TRIB2: variants seen among roughly 807,000 people sequenced by gnomAD.
TRIB2 encodes tribbles homolog 2.
TRIB2 carries 2 observed loss-of-function variants against 26.8 expected under a neutral mutation model. The ratio of observed to expected loss-of-function variants is 0.07; its 90% CI spans 0.03 to 0.24. The LOEUF (loss-of-function observed/expected upper bound fraction) is 0.24. Among genes scored for constraint, TRIB2 ranks in the 10% least tolerant of loss-of-function variants. TRIB2 has a pLI of 1.00. For missense variants in TRIB2, 306 were observed against 449.0 expected (o/e 0.68, Z 2.88); for synonymous variants, 189 against 187.3 (o/e 1.01, Z -0.08).
rs150404135 is a variant in TRIB2, at chr2:12,740,371, G to A, written c.609G>A (p.Arg203=). 3.1e-6 allele frequency: 5 copies of A among 1,614,150 alleles called. No homozygotes were observed. The highest frequency in any genetic ancestry group is 2.2e-5 in the South Asian group (2 of 91,086). Reference sequence around the variant, plus strand: ...GCCTGGAAGACGCCTACATTCTGCGGGGAGATGATGATTCCCTCTCCGACA... The same window carrying A: ...GCCTGGAAGACGCCTACATTCTGCGAGGAGATGATGATTCCCTCTCCGACA... ...LESLEDAYIL[R]GDDDSLSDKH... Residue 203 remains arginine (R), a synonymous_variant, in exon 3 of 3, where the codon CGG becomes CGA. Coordinates refer to ENST00000155926, the MANE Select transcript of TRIB2 (RefSeq NM_021643.4). The surrounding 1 kb of genome is among the most constrained non-coding windows in gnomAD (Gnocchi z 5.8).
At chr2:12,739,980 G>A (rs372258537) in intron 2 of TRIB2, among the ~76,000 whole-genome samples, 1 of 152,194 alleles carries the variant, frequency 6.6e-6, no homozygotes, top group Non-Finnish European at 1.5e-5. Context: ...ATGCAAATGT[G>A]ACTTTGAGAA....
At chr2:12,731,502 G>A (rs549980966) in intron 2 of TRIB2, among the ~76,000 whole-genome samples, 2 of 152,318 alleles carry the variant, frequency 1.3e-5, no homozygotes, top group East Asian at 3.9e-4. Context: ...AGGAAGAAGT[G>A]GCTCAAACTG....
At position 12,718,619 on chromosome 2, in the gene TRIB2, C is replaced by T; in HGVS notation, c.270+42C>T. 6.3e-7 allele frequency: 1 copy of T among 1,594,590 alleles called. No individual in the cohort carries two copies. Among genetic ancestry groups the T allele is most frequent in the South Asian group, 1.1e-5 (1 of 90,028 alleles). On this transcript the variant is annotated intron_variant, in intron 1 of 2. Coordinates refer to ENST00000155926, the MANE Select transcript of TRIB2 (RefSeq NM_021643.4). This position sits in a 1 kb window ranked among gnomAD's most constrained non-coding sequence, Gnocchi z 4.0. ...TTGCTTTTTGTCTTTGGAAGGGGCC[C>T]GAGGGAGCGGGAGGGCGCCAGGCCC...
At chr2:12,737,846 A>G (rs1018375424) in intron 2 of TRIB2, among the ~76,000 whole-genome samples, 5 of 152,210 alleles carry the variant, frequency 3.3e-5, no homozygotes, top group African/African-American at 1.2e-4. Flanking sequence ...TGTCTATTTT[A>G]CTACATAATT....
chr2:12,730,965 T>C lies in TRIB2; in HGVS notation c.563+7413T>C, dbSNP rs115919286. 4.5e-3 allele frequency among the ~76,000 whole-genome samples: 685 copies of C among 152,322 alleles called. 6 individuals are homozygous for C. The highest frequency in any genetic ancestry group is 0.016 in the African/African-American group (649 of 41,564). On this transcript the variant is annotated intron_variant, in intron 2 of 2. Coordinates refer to ENST00000155926, the MANE Select transcript of TRIB2 (RefSeq NM_021643.4). ...TAGATGCCGTGAACTCCAGATAGAATGTTGGAGTTGGGGAGTCTTAGATAT... is the reference window on the plus strand; with the variant it reads ...TAGATGCCGTGAACTCCAGATAGAACGTTGGAGTTGGGGAGTCTTAGATAT...
At chr2:12,725,306 TGAGTA>T (rs1428502872) in intron 2 of TRIB2, among the ~76,000 whole-genome samples, 1 of 152,190 alleles carries the variant, frequency 6.6e-6, no homozygotes, top group East Asian at 1.9e-4. Flanking sequence ...TTTGTGCAAA[TGAGTA>T]GAGCAGGGTG....
At chr2:12,729,708 TA>T (rs1661414887) in intron 2 of TRIB2, among the ~76,000 whole-genome samples, 1 of 152,154 alleles carries the variant, frequency 6.6e-6, no homozygotes, top group South Asian at 2.1e-4. Flanking sequence ...GACTAAATAG[TA>T]GGTATTCTTC....
rs369989056 is a variant in TRIB2 at position 12,717,708 on chromosome 2, AC to A, written c.-592del. The A allele has an allele frequency of 9.9e-4, 364 of 369,298 alleles. 1 individual carries two copies. The highest frequency in any genetic ancestry group is 2.0e-3 in the Middle Eastern group (3 of 1,470). 22.9% of individuals were successfully genotyped at this position (369,298 alleles called of 1,614,324 possible). The stretch of plus-strand genomic sequence containing the variant: ...AACGTAGGTAACTGCCCTCTCCCGC[AC>A]CCCCCCCTTACACGCCCCCCACCCT... On this transcript the variant is annotated 5_prime_UTR_variant, in exon 1 of 3. Transcript: ENST00000155926. The surrounding 1 kb of genome is among the most constrained non-coding windows in gnomAD (Gnocchi z 4.8).
intron 2 of TRIB2, among the ~76,000 whole-genome samples, chr2:12,733,376 T>G (rs1291046349): frequency 2.0e-5 from 3 of 152,224 alleles, no homozygotes; most frequent in Non-Finnish European, 2.9e-5. Context: ...AAAGTTTTTC[T>G]TTCTTTGGCC....
chr2:12,729,656 T>G (rs1396613183), intron 2 of TRIB2, among the ~76,000 whole-genome samples: 1 of 152,196 alleles, frequency 6.6e-6, no homozygotes, highest in East Asian at 1.9e-4. Flanking sequence ...TAATCACGGT[T>G]AGAAAGGGGA....
In TRIB2 at chr2:12,718,467, T is replaced by G. The variant is rs1259016115; in HGVS notation, c.160T>G (p.Leu54Val). ...CCCGAGCCCGCCCGAGACTCCGAAC[T>G]TGTCGCATTGCGTTTCTTGTATCGG... The part of the protein sequence containing the change: ...GSPSPPETPN[L>V]SHCVSCIGKY... Residue 54 changes from leucine (L) to valine (V), a missense_variant, in exon 1 of 3, where the codon TTG (leucine) becomes GTG (valine). By Grantham distance (32) the Leu-to-Val change is conservative. This residue lies in a region of TRIB2 where 99 missense variants were observed against 106.5 expected (regional missense o/e 0.93). Coordinates refer to ENST00000155926, the MANE Select transcript of TRIB2 (RefSeq NM_021643.4). The surrounding 1 kb of genome is among the most constrained non-coding windows in gnomAD (Gnocchi z 4.0). 10 of 1,614,212 alleles carry G rather than the reference T, an allele frequency of 6.2e-6. No homozygotes were observed. In the South Asian group the frequency reaches 8.8e-5, roughly 14 times the overall value.
intron 2 of TRIB2, among the ~76,000 whole-genome samples, chr2:12,726,914 A>T (rs989855519): frequency 6.6e-6 from 1 of 151,874 alleles, no homozygotes; most frequent in African/African-American, 2.4e-5. Context: ...GCCATCTGGG[A>T]CTCTGCATCC....
chr2:12,728,170 A>C lies in TRIB2; in HGVS notation c.563+4618A>C, dbSNP rs7566554. Among the ~76,000 whole-genome samples the C allele has an allele frequency of 9.6e-3, 1,359 of 141,484 alleles. 27 individuals are homozygous for C. Among genetic ancestry groups the C allele is most frequent in the African/African-American group, 0.036 (1,278 of 35,262 alleles). 92.8% of individuals were successfully genotyped at this position (141,484 alleles called of 152,430 possible). On this transcript the variant is annotated intron_variant, in intron 2 of 2. Transcript: ENST00000155926. ...TGTGCCCAGACTGCCTCATCTGCAA[A>C]GTGGAAATAACAACATGGCTTCCAT...
At chr2:12,737,726 T>C (rs1661613594) in intron 2 of TRIB2, among the ~76,000 whole-genome samples, 1 of 152,222 alleles carries the variant, frequency 6.6e-6, no homozygotes, top group South Asian at 2.1e-4. Context: ...ATGATAAAAC[T>C]GGCAGAGACT....
In TRIB2 at chr2:12,741,365, C is replaced by T. The variant is rs1661709007; in HGVS notation, c.*571C>T. The T allele has an allele frequency of 6.5e-6, 1 of 153,674 alleles. No individual in the cohort carries two copies. Among genetic ancestry groups the T allele is most frequent in the African/African-American group, 2.4e-5 (1 of 41,466 alleles). The allele number at this position is 153,674 out of a possible 1,614,324, so 9.5% of individuals were successfully genotyped here. On this transcript the variant is annotated 3_prime_UTR_variant, in exon 3 of 3. Transcript: ENST00000155926. Reference sequence around the variant, plus strand: ...CCAGTTTGTGTCTCTTAATCGCTCACTTCAACTCATTTCTTCTAAATAAAC... The same window carrying T: ...CCAGTTTGTGTCTCTTAATCGCTCATTTCAACTCATTTCTTCTAAATAAAC...
intron 2 of TRIB2, among the ~76,000 whole-genome samples, chr2:12,728,697 G>T (rs1661383759): frequency 6.6e-6 from 1 of 152,188 alleles, no homozygotes; most frequent in African/African-American, 2.4e-5. Flanking sequence ...CTTCAGCAGG[G>T]TGGAAGCTGC....
chr2:12,727,500 C>T (rs567843087), intron 2 of TRIB2, among the ~76,000 whole-genome samples: 2 of 152,302 alleles, frequency 1.3e-5, no homozygotes, highest in South Asian at 2.1e-4. Flanking sequence ...AGGTCAAGTG[C>T]ACCTGGTCTG....
In TRIB2 at chr2:12,717,227, A is replaced by G. The variant is rs2103246749; in HGVS notation, c.-1081A>G. 1 of 396,942 alleles carries G rather than the reference A, an allele frequency of 2.5e-6. No individual in the cohort carries two copies. Among genetic ancestry groups the G allele is most frequent in the African/African-American group, 2.1e-5 (1 of 48,688 alleles). The allele number at this position is 396,942 out of a possible 1,614,324, so 24.6% of individuals were successfully genotyped here. A position where few individuals can be genotyped will look rare whatever the true frequency, so the allele number is the denominator to read the frequency against. The stretch of plus-strand genomic sequence containing the variant: ...CAATTTGGTCTCGGGGTAGGGGGAG[A>G]CGGGGTGATTGCAAATTATTCCAGG... On this transcript the variant is annotated 5_prime_UTR_variant, in exon 1 of 3. Coordinates refer to ENST00000155926, the MANE Select transcript of TRIB2 (RefSeq NM_021643.4). This position sits in a 1 kb window ranked among gnomAD's most constrained non-coding sequence, Gnocchi z 4.8.
At chr2:12,726,295 G>A (rs1343820363) in intron 2 of TRIB2, among the ~76,000 whole-genome samples, 1 of 152,178 alleles carries the variant, frequency 6.6e-6, no homozygotes, top group African/African-American at 2.4e-5. Context: ...TTAACCTCTC[G>A]ATTCCAGAAT....
Sources: gnomAD v4.1 joint callset for allele counts (sites outside exome capture counted in the v4.1 genomes callset) on GRCh38, gnomAD v4.1.1 for gene constraint, gnomAD v4.1.1 regional missense constraint, Gnocchi (gnomAD v3.1) non-coding constraint, MANE v1.5 for transcripts, NCBI Gene and HGNC (gene_info 2026-07-23, HGNC 2026-07-21) for gene names.